RAPGEF4: variants seen among roughly 807,000 people sequenced by gnomAD.
RAPGEF4 encodes Rap guanine nucleotide exchange factor 4.
Under a neutral mutation model 147.9 loss-of-function variants are expected in RAPGEF4, and 66 were observed. The observed-to-expected ratio is 0.45, with a 90% CI of 0.37 to 0.55. RAPGEF4 has a LOEUF of 0.55. Ranked by LOEUF, RAPGEF4 falls within the 20% of genes least tolerant of loss-of-function variation. The pLI, the probability that RAPGEF4 is intolerant of heterozygous loss-of-function variation, is 0.00. For synonymous variants in RAPGEF4, 419 were observed against 442.7 expected (o/e 0.95, Z 0.67); for missense variants, 1,071 against 1,257.3 (o/e 0.85, Z 2.24).
intron 1 of RAPGEF4, among the ~76,000 whole-genome samples, chr2:172,794,526 C>G (rs932448236): frequency 3.3e-5 from 5 of 152,108 alleles, no homozygotes; most frequent in African/African-American, 1.2e-4. Flanking sequence ...TGCAGTTCAC[C>G]CTGATGCCCA....
chr2:172,820,988 G>A (rs992617652), intron 4 of RAPGEF4, among the ~76,000 whole-genome samples: 9 of 152,198 alleles, frequency 5.9e-5, no homozygotes, highest in African/African-American at 2.2e-4. Context: ...CAGCAGCTTA[G>A]TCTTTGCTGA....
At chr2:173,008,742 T>C (rs1164851662) in intron 17 of RAPGEF4, among the ~76,000 whole-genome samples, 1 of 152,156 alleles carries the variant, frequency 6.6e-6, no homozygotes, top group Non-Finnish European at 1.5e-5. Context: ...TTTTAATACA[T>C]GGAACCATTA....
chr2:172,788,511 G>A (rs1390945016), intron 1 of RAPGEF4, among the ~76,000 whole-genome samples: 1 of 152,150 alleles, frequency 6.6e-6, no homozygotes, highest in Admixed American at 6.5e-5. Flanking sequence ...AAGCATACAT[G>A]TATTATCTGT....
intron 1 of RAPGEF4, among the ~76,000 whole-genome samples, chr2:172,751,369 G>A (rs1214065618): frequency 1.3e-5 from 2 of 152,150 alleles, no homozygotes; most frequent in Non-Finnish European, 2.9e-5. Flanking sequence ...AACGATTTAT[G>A]GGGTACCTAG....
At chr2:172,954,416 T>G (rs1688527784) in intron 6 of RAPGEF4, among the ~76,000 whole-genome samples, 1 of 152,188 alleles carries the variant, frequency 6.6e-6, no homozygotes, top group Non-Finnish European at 1.5e-5. Flanking sequence ...TTTCAAGCTC[T>G]TTACAAGAGA....
intron 1 of RAPGEF4, among the ~76,000 whole-genome samples, chr2:172,784,530 AG>A (rs1394607259): frequency 1.3e-5 from 2 of 151,622 alleles, no homozygotes; most frequent in Admixed American, 1.3e-4. Flanking sequence ...AAAAAAAAAA[AG>A]ATCCCTGAAA....
intron 17 of RAPGEF4, among the ~76,000 whole-genome samples, chr2:173,004,892 AATAT>A (rs1029953164): frequency 1.3e-5 from 2 of 151,948 alleles, no homozygotes; most frequent in Non-Finnish European, 2.9e-5. Context: ...TTTCCAAACT[AATAT>A]ATATATAGAT....
At chr2:172,955,457 G>A (rs1688627214) in intron 6 of RAPGEF4, among the ~76,000 whole-genome samples, 1 of 152,182 alleles carries the variant, frequency 6.6e-6, no homozygotes, top group Non-Finnish European at 1.5e-5. Flanking sequence ...CGTGGAGAAA[G>A]CCAAGAAAAG....
At position 173,027,255 on chromosome 2, in the gene RAPGEF4, G is replaced by T. The variant is rs1575555885; in HGVS notation, c.2554G>T (p.Ala852Ser). 2 of 1,583,542 alleles carry T rather than the reference G, an allele frequency of 1.3e-6. No individual in the cohort carries two copies. The highest frequency in any genetic ancestry group is 2.3e-5 in the East Asian group (1 of 44,370). The change falls in exon 25 of 31, where the codon GCC (alanine) becomes TCC (serine). Residue 852 changes from alanine to serine, a missense_variant. Ala to Ser is a moderately conservative substitution (Grantham distance 99). Coordinates refer to ENST00000397081, the MANE Select transcript of RAPGEF4 (RefSeq NM_007023.4). ...ATTAAAAAAATTTATTAAGATAGCA[G>T]CCCAGTAAGTATATTTAGCTTGGAA... ...QLLKKFIKIA[A>S]HCKEYKNLNS...
chr2:172,989,052 G>A (rs536269693), intron 14 of RAPGEF4, among the ~76,000 whole-genome samples: 29 of 152,342 alleles, frequency 1.9e-4, no homozygotes, highest in Middle Eastern at 3.4e-3. Context: ...AATGCAGGAT[G>A]CTATGCTGGA....
chr2:173,006,834 G>A (rs1027860286), intron 17 of RAPGEF4, among the ~76,000 whole-genome samples: 4 of 152,076 alleles, frequency 2.6e-5, no homozygotes, highest in Non-Finnish European at 4.4e-5. Context: ...CTTAAATTTT[G>A]TTGAAACCAG....
At chr2:173,036,530 T>A in intron 28 of RAPGEF4, 98 bp from the exon 29 acceptor site, 1 of 945,770 alleles carries the variant, frequency 1.1e-6, no homozygotes, top group Non-Finnish European at 1.6e-6. Flanking sequence ...ACTGTAGTGT[T>A]ATGCAAATCT....
intron 13 of RAPGEF4, 67 bp downstream of exon 13, chr2:172,988,339 G>A: frequency 3.3e-6 from 5 of 1,528,784 alleles, no homozygotes; most frequent in Non-Finnish European, 4.4e-6. Context: ...CTAAGTATTA[G>A]CAATGTAGTG....
chr2:172,938,393 A>T (rs535611601), intron 6 of RAPGEF4, among the ~76,000 whole-genome samples: 1 of 152,138 alleles, frequency 6.6e-6, no homozygotes, highest in African/African-American at 2.4e-5. Flanking sequence ...GGCTTGTACC[A>T]TCTGCCACCT....
chr2:172,825,628 A>G (rs541737740), intron 4 of RAPGEF4, among the ~76,000 whole-genome samples: 1 of 152,354 alleles, frequency 6.6e-6, no homozygotes, highest in Admixed American at 6.5e-5. Flanking sequence ...AATGCTTTAT[A>G]TGATTGAGAC....
intron 10 of RAPGEF4, among the ~76,000 whole-genome samples, chr2:172,977,406 G>A (rs969527036): frequency 6.6e-6 from 1 of 152,054 alleles, no homozygotes; most frequent in African/African-American, 2.4e-5. Flanking sequence ...GGAACGCTCA[G>A]TTTTAGATGT....
chr2:172,741,712 C>CTG (rs1368657459), intron 1 of RAPGEF4, among the ~76,000 whole-genome samples: 5 of 152,194 alleles, frequency 3.3e-5, no homozygotes, highest in African/African-American at 1.2e-4. Flanking sequence ...CACTCTGTCA[C>CTG]CCAGGCTGGA....
At chr2:172,820,197 T>G (rs918999122) in intron 4 of RAPGEF4, among the ~76,000 whole-genome samples, 8 of 152,184 alleles carry the variant, frequency 5.3e-5, no homozygotes, top group African/African-American at 1.9e-4. Context: ...TTCAGGAAAG[T>G]AGATTAGAGA....
chr2:172,917,542 G>T (rs1398332123), intron 4 of RAPGEF4: 2 of 661,414 alleles, frequency 3.0e-6, no homozygotes, highest in Non-Finnish European at 2.8e-6. Flanking sequence ...ACACAATTCA[G>T]GCAGCCACAG....
Sources: allele counts gnomAD v4.1 joint callset (sites outside exome capture counted in the v4.1 genomes callset), GRCh38; gene constraint gnomAD v4.1.1; transcripts MANE v1.5; gene names NCBI Gene and HGNC (gene_info 2026-07-23, HGNC 2026-07-21).